CDK14: variants seen among roughly 807,000 people sequenced by gnomAD.
CDK14 encodes cyclin-dependent kinase 14.
In CDK14, 34 loss-of-function variants were observed where a neutral mutation model predicts 60.7. That is an observed-to-expected ratio of 0.56 (90% CI 0.43 to 0.75). The LOEUF (loss-of-function observed/expected upper bound fraction) is 0.75. Among genes scored for constraint, CDK14 ranks in the 30% least tolerant of loss-of-function variants. CDK14 has a pLI of 0.00. For missense variants in CDK14, 482 were observed against 564.1 expected, an observed-to-expected ratio of 0.85 and a Z score of 1.47; for synonymous variants, 197 against 203.7, an observed-to-expected ratio of 0.97 and a Z score of 0.28.
chr7:91,178,863 C>G (rs899611846), intron 14 of CDK14, among the ~76,000 whole-genome samples: 1 of 151,980 alleles, frequency 6.6e-6, no homozygotes, highest in Admixed American at 6.6e-5. Context: ...GTTGATGGGA[C>G]TGTAAACTAG....
chr7:90,947,433 T>C (rs1794133190), intron 8 of CDK14, among the ~76,000 whole-genome samples: 1 of 152,178 alleles, frequency 6.6e-6, no homozygotes, highest in African/African-American at 2.4e-5. Flanking sequence ...TGACCTGGGG[T>C]AAATTAGTTT....
chr7:90,812,730 C>T (rs897297289), intron 5 of CDK14, among the ~76,000 whole-genome samples: 2 of 152,118 alleles, frequency 1.3e-5, no homozygotes, highest in African/African-American at 4.8e-5. Context: ...TTACTGCACA[C>T]CCAGTATAAC....
At chr7:90,775,938 AT>A (rs1431180536) in intron 4 of CDK14, among the ~76,000 whole-genome samples, 1 of 151,870 alleles carries the variant, frequency 6.6e-6, no homozygotes, top group Non-Finnish European at 1.5e-5. Context: ...TATTATGTTT[AT>A]GTATAAAAAC....
intron 9 of CDK14, among the ~76,000 whole-genome samples, chr7:90,974,954 C>A (rs2115572353): frequency 6.6e-6 from 1 of 152,272 alleles, no homozygotes; most frequent in South Asian, 2.1e-4. Context: ...ATCGCCATAA[C>A]CCCTATCAAT....
rs116583235 is a variant in CDK14 at position 90,930,704 on chromosome 7, C to T, written c.826+12980C>T. 5.3e-3 allele frequency among the ~76,000 whole-genome samples: 802 copies of T among 152,134 alleles called. 8 individuals are homozygous for T. The highest frequency in any genetic ancestry group is 0.018 in the African/African-American group (755 of 41,494). The stretch of plus-strand genomic sequence containing the variant: ...GATTGCTTTTAGGAAGCAAAATGGA[C>T]TCAAACTTCAGTCATTTCTAATAAT... On this transcript the variant is annotated intron_variant, in intron 8 of 14. Coordinates refer to ENST00000380050, the MANE Select transcript of CDK14 (RefSeq NM_001287135.2).
At chr7:90,887,143 T>G (rs528769475) in intron 6 of CDK14, among the ~76,000 whole-genome samples, 1 of 152,252 alleles carries the variant, frequency 6.6e-6, no homozygotes, top group South Asian at 2.1e-4. Context: ...TTGGAACCAA[T>G]TTTTTACAAT....
chr7:91,150,710 T>G (rs1028228129), intron 14 of CDK14, among the ~76,000 whole-genome samples: 5 of 152,228 alleles, frequency 3.3e-5, no homozygotes, highest in Admixed American at 2.6e-4. Flanking sequence ...AAAACTATTT[T>G]CAAGCATGTT....
At chr7:91,163,832 A>T (rs573084043) in intron 14 of CDK14, among the ~76,000 whole-genome samples, 1 of 152,308 alleles carries the variant, frequency 6.6e-6, no homozygotes, top group African/African-American at 2.4e-5. Flanking sequence ...TATGAAAAAA[A>T]TTCTGGAAAA....
At chr7:90,789,492 GA>G (rs1317195614) in intron 4 of CDK14, among the ~76,000 whole-genome samples, 2 of 151,698 alleles carry the variant, frequency 1.3e-5, no homozygotes, top group Non-Finnish European at 2.9e-5. Context: ...AAATAATTGG[GA>G]AAAAAGACAT....
At chr7:91,008,573 CT>C (rs1165952051) in intron 10 of CDK14, among the ~76,000 whole-genome samples, 1 of 151,942 alleles carries the variant, frequency 6.6e-6, no homozygotes, top group Admixed American at 6.6e-5. Flanking sequence ...TTCTTAAAGC[CT>C]TTAATATCAG....
chr7:90,624,412 G>A (rs1799834888), intron 2 of CDK14, among the ~76,000 whole-genome samples: 1 of 152,188 alleles, frequency 6.6e-6, no homozygotes, highest in Non-Finnish European at 1.5e-5. Flanking sequence ...AACGCATTTT[G>A]TTCTCTATAT....
chr7:90,944,343 A>G (rs1210965247), intron 8 of CDK14, among the ~76,000 whole-genome samples: 2 of 152,232 alleles, frequency 1.3e-5, no homozygotes, highest in Non-Finnish European at 2.9e-5. Flanking sequence ...TCAGAGGTTC[A>G]TACTAGGTGG....
intron 6 of CDK14, among the ~76,000 whole-genome samples, chr7:90,877,048 GGTTT>G (rs1392174883): frequency 2.0e-5 from 3 of 151,890 alleles, no homozygotes; most frequent in African/African-American, 7.3e-5. Flanking sequence ...GTTAGTTGTT[GGTTT>G]GTTTTTTTAT....
At chr7:90,597,008 G>C (rs745315411) in intron 1 of CDK14, among the ~76,000 whole-genome samples, 1 of 152,138 alleles carries the variant, frequency 6.6e-6, no homozygotes, top group Non-Finnish European at 1.5e-5. Context: ...GTGGGGGACG[G>C]GCGAGGGGAC....
chr7:90,648,074 C>T (rs1216482951), intron 2 of CDK14, among the ~76,000 whole-genome samples: 4 of 152,084 alleles, frequency 2.6e-5, no homozygotes, highest in Non-Finnish European at 5.9e-5. Context: ...GCCTAAACAA[C>T]AATAAACATC....
At chr7:90,935,669 A>G (rs902241179) in intron 8 of CDK14, among the ~76,000 whole-genome samples, 10 of 152,204 alleles carry the variant, frequency 6.6e-5, no homozygotes, top group African/African-American at 2.2e-4. Context: ...TAATATATCT[A>G]TTAGTAAGAT....
intron 11 of CDK14, among the ~76,000 whole-genome samples, chr7:91,057,991 T>G (rs910304338): frequency 4.6e-5 from 7 of 152,050 alleles, no homozygotes; most frequent in East Asian, 3.9e-4. Context: ...ATAAATTACC[T>G]TGGGCAGTAT....
intron 5 of CDK14, among the ~76,000 whole-genome samples, chr7:90,833,559 A>G (rs541782374): frequency 6.6e-6 from 1 of 152,304 alleles, no homozygotes; most frequent in East Asian, 1.9e-4. Context: ...TAGACAATGC[A>G]TTGGAGTTGG....
At position 90,915,509 on chromosome 7, in the gene CDK14, C is replaced by T. The variant is rs1022764271; in HGVS notation, c.703-2092C>T. On this transcript the variant is annotated intron_variant, in intron 7 of 14. Coordinates refer to ENST00000380050, the MANE Select transcript of CDK14 (RefSeq NM_001287135.2). ...TAACAATGCCTGAGCCTGCACCCCC[C>T]AAAAAATAATGCCTGAGCCCCTCAG... Among the ~76,000 whole-genome samples, 9 of 152,148 alleles carry T rather than the reference C, an allele frequency of 5.9e-5. 1 individual carries two copies. The South Asian group carries it at 1.7e-3, about 28-fold the overall frequency.
Sources: gnomAD v4.1 joint callset for allele counts (sites outside exome capture counted in the v4.1 genomes callset) on GRCh38, gnomAD v4.1.1 for gene constraint, MANE v1.5 for transcripts, NCBI Gene and HGNC (gene_info 2026-07-23, HGNC 2026-07-21) for gene names.